Variants in S100G observed in about 807,000 individuals in gnomAD.
S100G encodes the protein S100 calcium binding protein G.
Under a neutral mutation model 4.4 loss-of-function variants are expected in S100G, and 4 were observed. The ratio of observed to expected loss-of-function variants is 0.91; its 90% CI spans 0.45 to 2.09. The LOEUF (loss-of-function observed/expected upper bound fraction) is 2.09. Ranked by LOEUF, S100G falls within the 30% of genes most tolerant of loss-of-function variation. S100G has a pLI of 0.03. For missense variants in S100G, 48 were observed against 49.8 expected, an observed-to-expected ratio of 0.96 and a Z score of 0.11; for synonymous variants, 24 against 20.1, an observed-to-expected ratio of 1.20 and a Z score of -0.53.
intron 2 of S100G, among the ~76,000 whole-genome samples, chrX:16,653,790 T>C (rs1227368713): frequency 8.9e-6 from 1 of 112,061 alleles, no homozygotes; most frequent in Non-Finnish European, 1.9e-5. Flanking sequence ...GGGCGGTGGT[T>C]AGTTAAGGGG....
At position 16,654,501 on chromosome X, in the gene S100G, T is replaced by C. The variant is rs2147270119; in HGVS notation, c.232T>C (p.Ser78Pro). Residue 78 changes from serine to proline, a missense_variant, in exon 3 of 3, where the codon TCC becomes CCC. Ser to Pro is a moderately conservative substitution (Grantham distance 74). Transcript: ENST00000380200. ...ATTCCAAGTATTAGTAAAAAAGATATCCCAGTGAAGGAGAAAACAAAATAG... is the reference window on the plus strand; with the variant it reads ...ATTCCAAGTATTAGTAAAAAAGATACCCCAGTGAAGGAGAAAACAAAATAG... ...EEFQVLVKKI[S>P]Q 2 of 1,160,011 alleles carry C rather than the reference T, an allele frequency of 1.7e-6. No homozygotes were observed. The highest frequency in any genetic ancestry group is 3.0e-5 in the East Asian group (1 of 33,454).
Position 16,651,108 on chromosome X carries a change from A to G in S100G, c.102A>G (p.Leu34=), listed in dbSNP as rs768623930. ...AGTTGTCAAAGGATGAACTGAAGCT[A>G]TTGATTCAGGCTGAATTCCCCAGTT... ...PDQLSKDELK[L]LIQAEFPSLL... Residue 34 remains leucine (L), a synonymous_variant, in exon 2 of 3, where the codon CTA becomes CTG. Coordinates refer to ENST00000380200, the MANE Select transcript of S100G (RefSeq NM_004057.3). The G allele has an allele frequency of 3.5e-5, 37 of 1,050,001 alleles. No homozygotes were observed. In the Admixed American group the frequency reaches 9.0e-4, roughly 25 times the overall value. The allele number at this position is 1,050,001 out of a possible 1,213,427, so 86.5% of individuals were successfully genotyped here. A position where few individuals can be genotyped will look rare whatever the true frequency, so the allele number is the denominator to read the frequency against.
chrX:16,654,457 G>A lies in S100G; in HGVS notation c.188G>A (p.Gly63Glu), dbSNP rs1932771775. Residue 63 changes from glycine (G) to glutamate (E), a missense_variant, in exon 3 of 3, where the codon GGA (glycine) becomes GAA (glutamate). By Grantham distance (98) the Gly-to-Glu change is moderately conservative. Coordinates refer to ENST00000380200, the MANE Select transcript of S100G (RefSeq NM_004057.3). ...LFQELDKNGD[G>E]EVSFEEFQVL... is the part of the protein sequence containing the mutation. ...CAAGAACTGGACAAGAATGGAGATG[G>A]AGAAGTTAGTTTTGAAGAATTCCAA... 3.3e-6 allele frequency: 4 copies of A among 1,204,140 alleles called. No individual in the cohort carries two copies. Among genetic ancestry groups the A allele is most frequent in the Admixed American group, 2.2e-5 (1 of 45,675 alleles).
In S100G at chrX:16,651,177, T is replaced by A. The variant is rs750065581; in HGVS notation, c.135+36T>A. The A allele has an allele frequency of 1.5e-5, 15 of 1,001,086 alleles. No homozygotes were observed. The Admixed American group carries it at 3.5e-4, about 23-fold the overall frequency. The allele number at this position is 1,001,086 out of a possible 1,213,427, so 82.5% of individuals were successfully genotyped here. The stretch of plus-strand genomic sequence containing the variant: ...ATCCGCAGAGCCCACTTAATGGGAC[T>A]GATGGTGGGAGGGGAGGGAGGGAGG... On this transcript the variant is annotated intron_variant, in intron 2 of 2. Coordinates refer to ENST00000380200, the MANE Select transcript of S100G (RefSeq NM_004057.3).
intron 2 of S100G, among the ~76,000 whole-genome samples, chrX:16,651,918 G>C (rs1038066317): frequency 9.1e-6 from 1 of 110,418 alleles, no homozygotes; most frequent in Admixed American, 9.7e-5. Context: ...GGGCCATGGC[G>C]ACCCATACAG....
chrX:16,650,833 T>C (rs769960790), intron 1 of S100G, among the ~76,000 whole-genome samples, 166 bp from the exon 2 acceptor site: 7 of 110,655 alleles, frequency 6.3e-5, no homozygotes, highest in South Asian at 3.9e-4. Flanking sequence ...TTTTTAAACA[T>C]GTTAGTAGTT....
intron 2 of S100G, among the ~76,000 whole-genome samples, chrX:16,652,833 T>C (rs953386369): frequency 3.6e-5 from 4 of 111,912 alleles, no homozygotes; most frequent in African/African-American, 1.3e-4. Context: ...TTTACATATA[T>C]CATCACCATG....
At chrX:16,652,997 G>C (rs1441151365) in intron 2 of S100G, among the ~76,000 whole-genome samples, 1 of 111,397 alleles carries the variant, frequency 9.0e-6, no homozygotes, top group Non-Finnish European at 1.9e-5. Flanking sequence ...ATCTTCCATA[G>C]AGATGTGCTG....
intron 2 of S100G, 53 bp downstream of exon 2, chrX:16,651,194 G>A: frequency 1.0e-6 from 1 of 967,089 alleles, no homozygotes; most frequent in Non-Finnish European, 1.5e-6. Flanking sequence ...GGGAGGGGAG[G>A]GAGGGAGGGG....
rs1932769949 is a variant in S100G at position 16,654,385 on chromosome X, T to A, written c.136-20T>A. 1.9e-6 allele frequency: 2 copies of A among 1,062,499 alleles called. No homozygotes were observed. Among genetic ancestry groups the A allele is most frequent in the South Asian group, 2.2e-5 (1 of 45,074 alleles). 87.6% of individuals were successfully genotyped at this position (1,062,499 alleles called of 1,213,427 possible). ...ATTTTTTCTCCCCTCCCTTCTCCCA[T>A]CCTTTTTTATGTAAAACAGGGTCCA... On this transcript the variant is annotated intron_variant, in intron 2 of 2. Transcript: ENST00000380200.
Position 16,654,395 on chromosome X carries a change from T to C in S100G, c.136-10T>C, listed in dbSNP as rs1159398092. 5.4e-6 allele frequency: 6 copies of C among 1,117,803 alleles called. No homozygotes were observed. The African/African-American group carries it at 9.1e-5, about 17-fold the overall frequency. 92.1% of individuals were successfully genotyped at this position (1,117,803 alleles called of 1,213,427 possible). On this transcript the variant is annotated splice_polypyrimidine_tract_variant and intron_variant, in intron 2 of 2. Coordinates refer to ENST00000380200, the MANE Select transcript of S100G (RefSeq NM_004057.3). ...CCCTCCCTTCTCCCATCCTTTTTTA[T>C]GTAAAACAGGGTCCAAACACCCTAG...
intron 2 of S100G, among the ~76,000 whole-genome samples, chrX:16,653,618 C>T (rs762046356): frequency 1.1e-3 from 117 of 111,235 alleles, no homozygotes; most frequent in Non-Finnish European, 1.5e-3. Context: ...TACAGATTCT[C>T]GGGCCCCACC....
chrX:16,650,889 C>A (rs755029116), intron 1 of S100G, 110 bp from the exon 2 acceptor site: 19 of 598,349 alleles, frequency 3.2e-5, no homozygotes, highest in Non-Finnish European at 4.3e-5. Flanking sequence ...TTATTCTTCC[C>A]CATTTATGCC....
Position 16,651,023 on chromosome X carries a change from C to T in S100G, c.17C>T (p.Ser6Phe). The T allele has an allele frequency of 8.3e-7, 1 of 1,205,633 alleles. No homozygotes were observed. MSTKK[S>F]PEELKRIFEK... ...GACACCAGAATGAGTACTAAAAAGT[C>T]TCCTGAGGAACTGAAGAGGATTTTT... The change falls in exon 2 of 3, where the codon TCT becomes TTT. Residue 6 changes from serine (S) to phenylalanine (F), a missense_variant. Ser to Phe is a radical substitution (Grantham distance 155). Coordinates refer to ENST00000380200, the MANE Select transcript of S100G (RefSeq NM_004057.3).
chrX:16,651,951 C>G (rs1309433150), intron 2 of S100G, among the ~76,000 whole-genome samples: 2 of 108,546 alleles, frequency 1.8e-5, no homozygotes, highest in African/African-American at 6.8e-5. Context: ...CGTGTTCTTG[C>G]CATGGGGAGA....
rs192512496 is a variant in S100G, at chrX:16,651,088, T to A, written c.82T>A (p.Ser28Thr). ...AAKEGDPDQL[S>T]KDELKLLIQA... ...CAAAGAAGGTGATCCAGACCAGTTG[T>A]CAAAGGATGAACTGAAGCTATTGAT... Residue 28 changes from serine (S) to threonine (T), a missense_variant, in exon 2 of 3, where the codon TCA becomes ACA. Transcript: ENST00000380200. The A allele has an allele frequency of 3.4e-6, 4 of 1,173,705 alleles. No individual in the cohort carries two copies. In the African/African-American group the frequency reaches 5.4e-5, roughly 16 times the overall value.
intron 2 of S100G, among the ~76,000 whole-genome samples, chrX:16,653,587 G>C (rs936944627): frequency 1.8e-5 from 2 of 111,709 alleles, no homozygotes; most frequent in African/African-American, 6.5e-5. Flanking sequence ...TCCAGCCTGG[G>C]TGACAGAGCA....
At chrX:16,650,283 T>C (rs1233870004) in intron 1 of S100G, 80 bp downstream of exon 1, 1 of 111,229 alleles carries the variant, frequency 9.0e-6, no homozygotes, top group Non-Finnish European at 1.9e-5. Context: ...GTGTGAAAGA[T>C]AATGGTCTGG....
intron 2 of S100G, among the ~76,000 whole-genome samples, chrX:16,653,824 GA>G (rs1392066045): frequency 1.8e-5 from 2 of 112,035 alleles, no homozygotes; most frequent in Non-Finnish European, 3.8e-5. Flanking sequence ...TCAACGTGTG[GA>G]CCCCAACCCC....
Sources: allele counts gnomAD v4.1 joint callset (sites outside exome capture counted in the v4.1 genomes callset), GRCh38; gene constraint gnomAD v4.1.1; transcripts MANE v1.5; gene names NCBI Gene and HGNC (gene_info 2026-07-23, HGNC 2026-07-21).